The following ALDH1A2 variants were observed in gnomAD, a reference collection of about 807,000 sequenced individuals.
ALDH1A2 encodes the protein aldehyde dehydrogenase 1 family member A2, also known as retinal dehydrogenase 2.
In ALDH1A2, 27 loss-of-function variants were observed where a neutral mutation model predicts 60.3. The ratio of observed to expected loss-of-function variants is 0.45; its 90% CI spans 0.33 to 0.62. ALDH1A2 has a LOEUF of 0.62. Ranked by LOEUF, ALDH1A2 falls within the 20% of genes least tolerant of loss-of-function variation. ALDH1A2 has a pLI of 0.02. For missense variants in ALDH1A2, 581 were observed against 643.8 expected (o/e 0.90, Z 1.06); for synonymous variants, 289 against 232.4 (o/e 1.24, Z -2.21).
intron 1 of ALDH1A2, among the ~76,000 whole-genome samples, chr15:58,060,390 T>C (rs962455949): frequency 4.6e-5 from 7 of 151,824 alleles, no homozygotes; most frequent in African/African-American, 1.7e-4. Context: ...ATAAAGTAGA[T>C]ACTATTATCT....
intron 1 of ALDH1A2, among the ~76,000 whole-genome samples, chr15:58,026,670 C>G (rs1248277382): frequency 1.3e-5 from 2 of 152,190 alleles, no homozygotes; most frequent in Non-Finnish European, 1.5e-5. Flanking sequence ...TGCCCAAATA[C>G]TGTGCTATTC....
chr15:57,972,676 AT>A (rs1894110474), intron 7 of ALDH1A2, among the ~76,000 whole-genome samples: 1 of 152,192 alleles, frequency 6.6e-6, no homozygotes, highest in Admixed American at 6.5e-5. Flanking sequence ...AGTTTTAAGA[AT>A]TTTTTAAAAA....
chr15:58,032,262 A>C (rs1421962889), intron 1 of ALDH1A2, among the ~76,000 whole-genome samples: 1 of 152,018 alleles, frequency 6.6e-6, no homozygotes, highest in Non-Finnish European at 1.5e-5. Flanking sequence ...AGGACGAAAA[A>C]CCAAACACCA....
intron 7 of ALDH1A2, among the ~76,000 whole-genome samples, chr15:57,981,688 C>T (rs113962121): frequency 0.014 from 2,131 of 152,180 alleles, 25 homozygotes; most frequent in African/African-American, 0.033. Context: ...AAATCCAGTG[C>T]CTCATCTATT....
chr15:58,058,751 T>A (rs1896955665), intron 1 of ALDH1A2, among the ~76,000 whole-genome samples: 1 of 152,076 alleles, frequency 6.6e-6, no homozygotes, highest in Non-Finnish European at 1.5e-5. Flanking sequence ...CAGACAGTGA[T>A]GAGGAAGGGA....
intron 5 of ALDH1A2, among the ~76,000 whole-genome samples, chr15:57,993,320 T>C (rs1894956013): frequency 6.6e-6 from 1 of 152,228 alleles, no homozygotes; most frequent in African/African-American, 2.4e-5. Flanking sequence ...AATCCCACTG[T>C]GAAAAGGGAG....
chr15:58,004,283 C>G (rs1566945319), intron 4 of ALDH1A2, among the ~76,000 whole-genome samples: 1 of 151,868 alleles, frequency 6.6e-6, no homozygotes, highest in Non-Finnish European at 1.5e-5. Context: ...CTTGCTGTCT[C>G]TAACTGATTA....
chr15:57,964,170 TCA>T (rs1355881713), intron 8 of ALDH1A2, 101 bp from the exon 9 acceptor site: 2 of 1,256,466 alleles, frequency 1.6e-6, no homozygotes, highest in Non-Finnish European at 2.3e-6. Context: ...TATAGTGTGC[TCA>T]CTGCATGACA....
chr15:57,975,990 C>T (rs766794324), intron 7 of ALDH1A2, among the ~76,000 whole-genome samples: 1 of 152,052 alleles, frequency 6.6e-6, no homozygotes, highest in Admixed American at 6.5e-5. Context: ...TATTGTATAT[C>T]AATTATACTA....
intron 1 of ALDH1A2, among the ~76,000 whole-genome samples, chr15:58,035,858 T>C (rs1202225523): frequency 6.6e-6 from 1 of 151,704 alleles, no homozygotes; most frequent in African/African-American, 2.4e-5. Flanking sequence ...TTGTGAGAGC[T>C]TGAGAAAAAT....
At chr15:58,003,100 C>T (rs763229975) in intron 4 of ALDH1A2, among the ~76,000 whole-genome samples, 10 of 151,834 alleles carry the variant, frequency 6.6e-5, no homozygotes, top group East Asian at 1.9e-4. Flanking sequence ...ACTACATGAT[C>T]GTAACAAAAG....
At chr15:58,032,553 G>C (rs77359984) in intron 1 of ALDH1A2, among the ~76,000 whole-genome samples, 223 of 152,068 alleles carry the variant, frequency 1.5e-3, no homozygotes, top group African/African-American at 5.1e-3. Context: ...GTGGAGAAAA[G>C]GAAAGTCTTG....
chr15:58,032,457 TAACA>T (rs1256142793), intron 1 of ALDH1A2, among the ~76,000 whole-genome samples: 13 of 152,146 alleles, frequency 8.5e-5, no homozygotes, highest in Non-Finnish European at 5.9e-5. Context: ...TATACATATG[TAACA>T]AACCTGCACG....
intron 1 of ALDH1A2, chr15:58,058,218 A>T: frequency 1.6e-6 from 1 of 638,864 alleles, no homozygotes; most frequent in South Asian, 1.9e-5. Context: ...AAATCGTGCC[A>T]CTATCACACA....
chr15:58,003,139 A>G (rs1409547180), intron 4 of ALDH1A2, among the ~76,000 whole-genome samples: 2 of 151,850 alleles, frequency 1.3e-5, no homozygotes, highest in Non-Finnish European at 2.9e-5. Context: ...CCTTCTCTGT[A>G]AAATCAGGAG....
Position 57,993,090 on chromosome 15 carries a change from C to CA in ALDH1A2, c.556-18dup, listed in dbSNP as rs1289760185. ...GAAGTTCCACTGAAAGGAAAAAACT[C>CA]AAAGTTGATAGATGGAAAAACATTC... On this transcript the variant is annotated splice_polypyrimidine_tract_variant and intron_variant, in intron 5 of 12. Coordinates refer to ENST00000249750, the MANE Select transcript of ALDH1A2 (RefSeq NM_003888.4). 2 of 1,610,844 alleles carry CA rather than the reference C, an allele frequency of 1.2e-6. No individual in the cohort carries two copies. Among genetic ancestry groups the CA allele is most frequent in the African/African-American group, 2.7e-5 (2 of 74,852 alleles).
At chr15:58,037,303 T>C (rs1896400248) in intron 1 of ALDH1A2, among the ~76,000 whole-genome samples, 1 of 151,630 alleles carries the variant, frequency 6.6e-6, no homozygotes, top group African/African-American at 2.4e-5. Context: ...TTAAGGTATG[T>C]TATAAATTAA....
intron 1 of ALDH1A2, among the ~76,000 whole-genome samples, chr15:58,024,300 A>G (rs1166023139): frequency 6.6e-6 from 1 of 152,214 alleles, no homozygotes; most frequent in Non-Finnish European, 1.5e-5. Context: ...TTTTTAAAAA[A>G]TGATCCAATT....
intron 1 of ALDH1A2, among the ~76,000 whole-genome samples, chr15:58,017,709 C>T (rs1335318188): frequency 6.6e-6 from 1 of 152,088 alleles, no homozygotes; most frequent in Non-Finnish European, 1.5e-5. Context: ...CCTCCAAAAT[C>T]AGGAAAATAT....
Sources: gnomAD v4.1 joint callset for allele counts (sites outside exome capture counted in the v4.1 genomes callset) on GRCh38, gnomAD v4.1.1 for gene constraint, MANE v1.5 for transcripts, NCBI Gene and HGNC (gene_info 2026-07-23, HGNC 2026-07-21) for gene names.